Variants in ZNF292 observed in about 807,000 individuals in gnomAD.
The protein encoded by ZNF292 is 16 zinc-finger domain protein.
ZNF292 carries 26 observed loss-of-function variants against 217.9 expected under a neutral mutation model. The ratio of observed to expected loss-of-function variants is 0.12; its 90% CI spans 0.09 to 0.17. The LOEUF (loss-of-function observed/expected upper bound fraction) is 0.17. Ranked by LOEUF, ZNF292 falls within the 10% of genes least tolerant of loss-of-function variation. ZNF292 has a pLI of 1.00. For synonymous variants in ZNF292, 1,257 were observed against 1,124.1 expected (o/e 1.12, Z -2.37); for missense variants, 2,904 against 3,175.2 (o/e 0.91, Z 2.05).
intron 4 of ZNF292, among the ~76,000 whole-genome samples, chr6:87,227,919 C>G (rs1356246323): frequency 1.3e-5 from 2 of 152,180 alleles, no homozygotes; most frequent in Non-Finnish European, 2.9e-5. Context: ...CATACAAACG[C>G]TTCTTCAAGA....
At chr6:87,162,878 T>C (rs1274881911) in intron 1 of ZNF292, among the ~76,000 whole-genome samples, 1 of 152,226 alleles carries the variant, frequency 6.6e-6, no homozygotes, top group Non-Finnish European at 1.5e-5. Flanking sequence ...TAAATTCAGT[T>C]TATAAAATTA....
chr6:87,252,393 T>C (rs1304023285), intron 7 of ZNF292, among the ~76,000 whole-genome samples: 1 of 152,148 alleles, frequency 6.6e-6, no homozygotes, highest in African/African-American at 2.4e-5. Flanking sequence ...CCTCACATGA[T>C]CCACCTGCCT....
At chr6:87,205,418 T>A (rs971580325) in intron 1 of ZNF292, among the ~76,000 whole-genome samples, 1 of 152,136 alleles carries the variant, frequency 6.6e-6, no homozygotes, top group Non-Finnish European at 1.5e-5. Context: ...AATTATTTTT[T>A]TTTCTTAACC....
In ZNF292 at chr6:87,261,200, G is replaced by C; in HGVS notation, c.7571G>C (p.Arg2524Thr). ...FQEDNLCQSE[R>T]QKASNLKRVN... ...GAAGATAACCTCTGCCAGTCAGAAA[G>C]ACAAAAAGCAAGTAATTTGAAGAGA... is the stretch of plus-strand genomic sequence containing the variant. The change falls in exon 8 of 8, where the codon AGA becomes ACA. Residue 2524 changes from arginine (R) to threonine (T), a missense_variant. Arg to Thr is a moderately conservative substitution (Grantham distance 71, BLOSUM62 -1). Coordinates refer to ENST00000369577, the MANE Select transcript of ZNF292 (RefSeq NM_015021.3). The C allele has an allele frequency of 6.2e-7, 1 of 1,610,974 alleles. No individual in the cohort carries two copies. The highest frequency in any genetic ancestry group is 8.5e-7 in the Non-Finnish European group (1 of 1,179,062).
intron 1 of ZNF292, among the ~76,000 whole-genome samples, chr6:87,190,727 G>A (rs1341488323): frequency 1.3e-5 from 2 of 152,104 alleles, no homozygotes; most frequent in Non-Finnish European, 2.9e-5. Flanking sequence ...GCCCACCTCA[G>A]CCTCCCAGGA....
In ZNF292 at chr6:87,167,958, G is replaced by A. The variant is rs186211607; in HGVS notation, c.168+12199G>A. Among the ~76,000 whole-genome samples, 10 of 152,298 alleles carry A rather than the reference G, an allele frequency of 6.6e-5. No homozygotes were observed. In the East Asian group the frequency reaches 1.9e-3, roughly 29 times the overall value. On this transcript the variant is annotated intron_variant, in intron 1 of 7. Transcript: ENST00000369577. ...TGAAGCTTCTGCATTGTCTTTGGTT[G>A]AAGGCACCTATCCTCACTCAGACTG... is the stretch of plus-strand genomic sequence containing the variant.
chr6:87,172,690 G>C (rs1347125187), intron 1 of ZNF292, among the ~76,000 whole-genome samples: 1 of 152,032 alleles, frequency 6.6e-6, no homozygotes, highest in Non-Finnish European at 1.5e-5. Flanking sequence ...TGGCTTACTT[G>C]AGCCCAGGTG....
intron 1 of ZNF292, among the ~76,000 whole-genome samples, chr6:87,203,343 G>A (rs909083452): frequency 4.6e-5 from 7 of 151,422 alleles, no homozygotes; most frequent in Admixed American, 2.6e-4. Flanking sequence ...GGGTTTTGCC[G>A]TGTTGCCCAT....
At chr6:87,234,165 G>T (rs756736864) in intron 5 of ZNF292, among the ~76,000 whole-genome samples, 6 of 152,142 alleles carry the variant, frequency 3.9e-5, no homozygotes, top group Admixed American at 6.5e-5. Flanking sequence ...TGCATTTTGA[G>T]GGACTTACAA....
chr6:87,202,518 T>A (rs1286456437), intron 1 of ZNF292, among the ~76,000 whole-genome samples: 1 of 152,206 alleles, frequency 6.6e-6, no homozygotes, highest in Non-Finnish European at 1.5e-5. Context: ...TTGTGCTGAT[T>A]AGCCCTACAG....
At chr6:87,213,583 G>A (rs1772597600) in intron 1 of ZNF292, 1 of 152,728 alleles carries the variant, frequency 6.5e-6, no homozygotes. Flanking sequence ...GTTAGAAACA[G>A]GTAACTAAAG....
intron 1 of ZNF292, among the ~76,000 whole-genome samples, chr6:87,198,451 G>A (rs561668214): frequency 3.2e-4 from 49 of 152,190 alleles, no homozygotes; most frequent in Non-Finnish European, 5.9e-4. Flanking sequence ...TGATCCGCCC[G>A]CCTGGGCCTC....
intron 1 of ZNF292, among the ~76,000 whole-genome samples, chr6:87,169,173 G>A (rs118092082): frequency 0.014 from 2,101 of 152,142 alleles, 45 homozygotes; most frequent in East Asian, 0.11. Context: ...CTGCCGAGCA[G>A]CTGCAATTAC....
At chr6:87,193,003 T>C (rs1195372814) in intron 1 of ZNF292, among the ~76,000 whole-genome samples, 7 of 152,180 alleles carry the variant, frequency 4.6e-5, no homozygotes, top group Admixed American at 2.6e-4. Context: ...GAGGAAGTTA[T>C]TTTCTAAAGA....
At chr6:87,168,179 T>C (rs943816083) in intron 1 of ZNF292, among the ~76,000 whole-genome samples, 15 of 152,210 alleles carry the variant, frequency 9.9e-5, no homozygotes, top group African/African-American at 3.6e-4. Flanking sequence ...TGAAGACCTA[T>C]GAGATCATAG....
intron 5 of ZNF292, among the ~76,000 whole-genome samples, chr6:87,241,166 C>T (rs920878289): frequency 2.6e-5 from 4 of 152,144 alleles, no homozygotes; most frequent in Non-Finnish European, 4.4e-5. Context: ...CACCTGTAGT[C>T]TCAGCTACTC....
At chr6:87,241,093 G>T (rs1366420973) in intron 5 of ZNF292, among the ~76,000 whole-genome samples, 1 of 152,134 alleles carries the variant, frequency 6.6e-6, no homozygotes, top group African/African-American at 2.4e-5. Flanking sequence ...GACCATCCTG[G>T]TTAACACAGT....
chr6:87,158,257 A>G (rs933489086), intron 1 of ZNF292, among the ~76,000 whole-genome samples: 17 of 152,230 alleles, frequency 1.1e-4, no homozygotes, highest in African/African-American at 3.6e-4. Context: ...TTGAAACGAT[A>G]CAGAGTGTGT....
intron 4 of ZNF292, among the ~76,000 whole-genome samples, chr6:87,219,712 T>C (rs901082692): frequency 6.6e-6 from 1 of 152,226 alleles, no homozygotes; most frequent in African/African-American, 2.4e-5. Flanking sequence ...TGTTTCTTAG[T>C]TTTCACAAGA....
Sources: gnomAD v4.1 joint callset for allele counts (sites outside exome capture counted in the v4.1 genomes callset) on GRCh38, gnomAD v4.1.1 for gene constraint, MANE v1.5 for transcripts, NCBI Gene and HGNC (gene_info 2026-07-23, HGNC 2026-07-21) for gene names.